The following CCBE1 variants were observed in gnomAD, a reference collection of about 807,000 sequenced individuals.
The protein encoded by CCBE1 is collagen and calcium binding EGF domains 1, also known as collagen and calcium-binding EGF domain-containing protein 1.
A neutral mutation model predicts 50.0 loss-of-function variants in CCBE1; 37 were observed. That is an observed-to-expected ratio of 0.74 (90% CI 0.57 to 0.97). The LOEUF (loss-of-function observed/expected upper bound fraction) is 0.97. CCBE1 is among the 50% of genes least tolerant of loss of function. The pLI, the probability that CCBE1 is intolerant of heterozygous loss-of-function variation, is 0.00. For synonymous variants in CCBE1, 234 were observed against 203.7 expected, an observed-to-expected ratio of 1.15 and a Z score of -1.27; for missense variants, 538 against 523.8, an observed-to-expected ratio of 1.03 and a Z score of -0.26.
At chr18:59,506,000 T>C (rs1426806653) in intron 2 of CCBE1, among the ~76,000 whole-genome samples, 5 of 152,206 alleles carry the variant, frequency 3.3e-5, no homozygotes, top group South Asian at 4.1e-4. Context: ...ACAGCGGAGC[T>C]GGGTGGGTTG....
intron 2 of CCBE1, among the ~76,000 whole-genome samples, chr18:59,516,497 T>A (rs749299264): frequency 2.0e-5 from 3 of 152,200 alleles, no homozygotes; most frequent in Non-Finnish European, 2.9e-5. Context: ...CAACAGGACC[T>A]CGTGGATGGA....
chr18:59,487,615 T>C (rs1598943827), intron 2 of CCBE1, among the ~76,000 whole-genome samples: 1 of 151,860 alleles, frequency 6.6e-6, no homozygotes, highest in Non-Finnish European at 1.5e-5. Context: ...AAAAACAAAA[T>C]CCCCTCCACC....
chr18:59,621,537 T>G (rs772252397), intron 2 of CCBE1, among the ~76,000 whole-genome samples: 2 of 152,234 alleles, frequency 1.3e-5, no homozygotes, highest in Non-Finnish European at 2.9e-5. Context: ...CAACTTGCCA[T>G]GCATCTATTC....
rs373081468 is a variant in CCBE1 at position 59,482,666 on chromosome 18, G to A, written c.213-2428C>T. 1.1e-4 allele frequency among the ~76,000 whole-genome samples: 17 copies of A among 152,254 alleles called. No homozygotes were observed. In the East Asian group the frequency reaches 2.9e-3, roughly 26 times the overall value. On this transcript the variant is annotated intron_variant, in intron 2 of 10. Transcript: ENST00000439986. ...TTAAATGGACCTATATGGTTATAAAGTCTCTACATTTTATGTAAAATAGCA... is the reference window on the plus strand; with the variant it reads ...TTAAATGGACCTATATGGTTATAAAATCTCTACATTTTATGTAAAATAGCA...
At chr18:59,448,277 A>G (rs1598908465) in intron 6 of CCBE1, among the ~76,000 whole-genome samples, 174 bp from the exon 7 acceptor site, 1 of 152,192 alleles carries the variant, frequency 6.6e-6, no homozygotes, top group East Asian at 1.9e-4. Context: ...ACCTAGAGGC[A>G]TTCTAGGGCA....
intron 2 of CCBE1, among the ~76,000 whole-genome samples, chr18:59,655,457 T>G (rs1188031148): frequency 1.3e-5 from 2 of 152,164 alleles, no homozygotes; most frequent in African/African-American, 4.8e-5. Flanking sequence ...CTTCAAGGGC[T>G]TATTAAAAAA....
chr18:59,579,589 A>G (rs1387631803), intron 2 of CCBE1, among the ~76,000 whole-genome samples: 4 of 152,212 alleles, frequency 2.6e-5, no homozygotes, highest in African/African-American at 4.8e-5. Context: ...ATTTGTCCAC[A>G]TTTATGACAA....
At chr18:59,480,053 A>G in intron 3 of CCBE1, 133 bp downstream of exon 3, 1 of 687,016 alleles carries the variant, frequency 1.5e-6, no homozygotes, top group Non-Finnish European at 2.4e-6. Flanking sequence ...TTTGATGCCA[A>G]AAAATATACA....
chr18:59,450,634 A>C (rs7231575), intron 6 of CCBE1, among the ~76,000 whole-genome samples: 38,145 of 152,160 alleles, frequency 0.25, 5,798 homozygotes, highest in East Asian at 0.48. Flanking sequence ...CCCAGGTTCA[A>C]GTGATTCTCC....
At chr18:59,464,708 A>G (rs114866393) in intron 5 of CCBE1, among the ~76,000 whole-genome samples, 7,368 of 152,204 alleles carry the variant, frequency 0.048, 566 homozygotes, top group African/African-American at 0.17. Context: ...TCAGAATTTC[A>G]CTTTGTAGTT....
chr18:59,663,294 T>C (rs180685370), intron 2 of CCBE1, among the ~76,000 whole-genome samples: 4 of 152,140 alleles, frequency 2.6e-5, no homozygotes, highest in East Asian at 1.9e-4. Context: ...GCAGGTAATA[T>C]CTGAGCTTTA....
intron 2 of CCBE1, among the ~76,000 whole-genome samples, chr18:59,558,869 A>G (rs953344165): frequency 2.3e-4 from 35 of 152,374 alleles, no homozygotes; most frequent in African/African-American, 7.9e-4. Flanking sequence ...ACTGGTGATG[A>G]GAAAGCTAGT....
At chr18:59,482,344 G>C (rs1912611573) in intron 2 of CCBE1, among the ~76,000 whole-genome samples, 1 of 152,196 alleles carries the variant, frequency 6.6e-6, no homozygotes, top group African/African-American at 2.4e-5. Flanking sequence ...TACACTGTTG[G>C]TAGGAGTGTA....
chr18:59,492,174 G>C (rs1205107090), intron 2 of CCBE1, among the ~76,000 whole-genome samples: 1 of 142,024 alleles, frequency 7.0e-6, no homozygotes, highest in Non-Finnish European at 1.5e-5. Flanking sequence ...AAAAAGAAAA[G>C]CATTCTTGGT....
At chr18:59,606,196 T>C (rs192018964) in intron 2 of CCBE1, among the ~76,000 whole-genome samples, 1 of 152,324 alleles carries the variant, frequency 6.6e-6, no homozygotes, top group East Asian at 1.9e-4. Context: ...CATTTGTGTA[T>C]GTTTTGCATA....
At chr18:59,600,563 T>C (rs2053415249) in intron 2 of CCBE1, among the ~76,000 whole-genome samples, 1 of 152,110 alleles carries the variant, frequency 6.6e-6, no homozygotes, top group African/African-American at 2.4e-5. Flanking sequence ...CCACTTTCAA[T>C]GAACAATGTA....
At chr18:59,585,115 C>T (rs986448679) in intron 2 of CCBE1, among the ~76,000 whole-genome samples, 7 of 152,142 alleles carry the variant, frequency 4.6e-5, no homozygotes, top group East Asian at 3.9e-4. Context: ...TGCAGCAGCC[C>T]GCCATGTTCC....
At chr18:59,551,522 A>T (rs1915929836) in intron 2 of CCBE1, among the ~76,000 whole-genome samples, 1 of 152,194 alleles carries the variant, frequency 6.6e-6, no homozygotes, top group African/African-American at 2.4e-5. Context: ...TATCATCACT[A>T]GCTTGATAGG....
intron 2 of CCBE1, among the ~76,000 whole-genome samples, chr18:59,511,952 C>A (rs1914150418): frequency 6.6e-6 from 1 of 152,184 alleles, no homozygotes; most frequent in South Asian, 2.1e-4. Context: ...CCCTTGATTT[C>A]CATTTCTTGT....
Sources: gnomAD v4.1 joint callset for allele counts (sites outside exome capture counted in the v4.1 genomes callset) on GRCh38, gnomAD v4.1.1 for gene constraint, MANE v1.5 for transcripts, NCBI Gene and HGNC (gene_info 2026-07-23, HGNC 2026-07-21) for gene names.